Variants in MYO1E observed in about 807,000 individuals in gnomAD.
MYO1E encodes the protein unconventional myosin-Ie.
Under a neutral mutation model 151.1 loss-of-function variants are expected in MYO1E, and 68 were observed. The ratio of observed to expected loss-of-function variants is 0.45; its 90% CI spans 0.37 to 0.55. The LOEUF (loss-of-function observed/expected upper bound fraction) is 0.55. MYO1E is among the 20% of genes least tolerant of loss of function. The pLI, the probability that MYO1E is intolerant of heterozygous loss-of-function variation, is 0.00. For synonymous variants in MYO1E, 601 were observed against 501.7 expected (o/e 1.20, Z -2.64); for missense variants, 1,363 against 1,389.3 (o/e 0.98, Z 0.30).
intron 4 of MYO1E, among the ~76,000 whole-genome samples, chr15:59,250,556 G>A (rs569668440): frequency 2.0e-5 from 3 of 152,080 alleles, no homozygotes; most frequent in Non-Finnish European, 4.4e-5. Flanking sequence ...TTGCCAGAAC[G>A]AAACTGTAAT....
chr15:59,372,657 G>C lies in MYO1E; in HGVS notation c.-157C>G, dbSNP rs1053049988. On this transcript the variant is annotated 5_prime_UTR_variant, in exon 1 of 28. Coordinates refer to ENST00000288235, the MANE Select transcript of MYO1E (RefSeq NM_004998.4). ...CACAGGAGCCAATGGGAACCCAGAG[G>C]GGACTCCATCCAGGCGGGATTGGCG... 1.1e-6 allele frequency: 1 copy of C among 917,624 alleles called. No homozygotes were observed. Among genetic ancestry groups the C allele is most frequent in the Admixed American group, 2.6e-5 (1 of 38,152 alleles). 56.8% of individuals were successfully genotyped at this position (917,624 alleles called of 1,614,324 possible).
At chr15:59,214,200 A>T (rs1204848863) in intron 12 of MYO1E, 28 bp downstream of exon 12, 2 of 1,542,728 alleles carry the variant, frequency 1.3e-6, no homozygotes, top group East Asian at 2.2e-5. Context: ...TATAAATAGA[A>T]TAGGATGAAG....
chr15:59,250,423 T>C (rs2080157284), intron 4 of MYO1E, among the ~76,000 whole-genome samples: 1 of 152,164 alleles, frequency 6.6e-6, no homozygotes, highest in South Asian at 2.1e-4. Context: ...TCACACCTCA[T>C]ACCGGTAGGA....
intron 1 of MYO1E, among the ~76,000 whole-genome samples, chr15:59,302,388 A>G (rs770335219): frequency 2.0e-5 from 3 of 152,330 alleles, no homozygotes; most frequent in Non-Finnish European, 4.4e-5. Context: ...GACGCGGGGC[A>G]GTGTGCTGGG....
chr15:59,311,738 A>G (rs1233991642), intron 1 of MYO1E, among the ~76,000 whole-genome samples: 3 of 152,236 alleles, frequency 2.0e-5, no homozygotes, highest in African/African-American at 7.2e-5. Context: ...TGCTGAAGGT[A>G]GAAAAAGGGG....
chr15:59,227,840 C>A (rs1196344052), intron 6 of MYO1E, among the ~76,000 whole-genome samples: 2 of 152,162 alleles, frequency 1.3e-5, no homozygotes, highest in African/African-American at 4.8e-5. Context: ...TGCTCTATTC[C>A]TTGCTCATTT....
chr15:59,237,920 T>G (rs1338787746), intron 4 of MYO1E, among the ~76,000 whole-genome samples: 1 of 152,196 alleles, frequency 6.6e-6, no homozygotes, highest in East Asian at 1.9e-4. Flanking sequence ...GAACTAATAA[T>G]ACGGTTTTAA....
intron 4 of MYO1E, among the ~76,000 whole-genome samples, chr15:59,236,918 C>T (rs1033279182): frequency 1.3e-5 from 2 of 152,108 alleles, no homozygotes; most frequent in African/African-American, 4.8e-5. Context: ...ACACCACTGA[C>T]CATTAAGCAT....
At chr15:59,269,483 G>A (rs771347083) in intron 2 of MYO1E, among the ~76,000 whole-genome samples, 6 of 152,108 alleles carry the variant, frequency 3.9e-5, no homozygotes, top group African/African-American at 1.4e-4. Flanking sequence ...TGTTAAGTCC[G>A]GATAAAGTAA....
chr15:59,356,879 G>A (rs1190636360), intron 1 of MYO1E, among the ~76,000 whole-genome samples: 4 of 116,698 alleles, frequency 3.4e-5, no homozygotes, highest in African/African-American at 6.7e-5. Context: ...CTCCTGTTAA[G>A]TTTTTTTTTT....
intron 1 of MYO1E, among the ~76,000 whole-genome samples, chr15:59,291,850 C>T (rs1370021070): frequency 6.6e-6 from 1 of 151,706 alleles, no homozygotes; most frequent in Non-Finnish European, 1.5e-5. Flanking sequence ...CCCTAGGGAT[C>T]TAAATAGACA....
chr15:59,214,934 A>G (rs2079903974), intron 10 of MYO1E, among the ~76,000 whole-genome samples: 1 of 152,250 alleles, frequency 6.6e-6, no homozygotes, highest in Non-Finnish European at 1.5e-5. Context: ...AAGCGAGTAC[A>G]GTAGAAACAA....
chr15:59,321,068 T>TA (rs1318288865), intron 1 of MYO1E, among the ~76,000 whole-genome samples: 7 of 152,090 alleles, frequency 4.6e-5, no homozygotes, highest in South Asian at 2.1e-4. Context: ...TACAAACTGT[T>TA]AAAAAAATGA....
intron 16 of MYO1E, among the ~76,000 whole-genome samples, chr15:59,198,863 A>C (rs2079784276): frequency 6.6e-6 from 1 of 151,360 alleles, no homozygotes; most frequent in Admixed American, 6.6e-5. Flanking sequence ...ACCCCCAACC[A>C]ATCCAATCAC....
intron 12 of MYO1E, 131 bp downstream of exon 12, chr15:59,214,097 C>A: frequency 1.4e-6 from 1 of 709,240 alleles, no homozygotes; most frequent in Non-Finnish European, 2.3e-6. Context: ...GGTTTTTCTG[C>A]CTGACTTTAT....
chr15:59,331,374 T>C (rs2080696922), intron 1 of MYO1E, among the ~76,000 whole-genome samples: 1 of 152,064 alleles, frequency 6.6e-6, no homozygotes. Flanking sequence ...TGGGGAAACA[T>C]CTCTGAACTA....
chr15:59,215,420 G>C (rs1391598653), intron 10 of MYO1E, among the ~76,000 whole-genome samples: 1 of 152,174 alleles, frequency 6.6e-6, no homozygotes, highest in Non-Finnish European at 1.5e-5. Flanking sequence ...TTCTATGTAA[G>C]AAGCAGGGTC....
chr15:59,210,740 A>G, intron 12 of MYO1E, 140 bp from the exon 13 acceptor site: 2 of 657,410 alleles, frequency 3.0e-6, no homozygotes, highest in South Asian at 3.5e-5. Flanking sequence ...TTTAATTTTT[A>G]TTTTCTAAGA....
chr15:59,313,175 G>A (rs2080563368), intron 1 of MYO1E, among the ~76,000 whole-genome samples: 2 of 152,196 alleles, frequency 1.3e-5, no homozygotes, highest in African/African-American at 4.8e-5. Flanking sequence ...TCCTACAGAA[G>A]AAACATTGAA....
Sources: gnomAD v4.1 joint callset for allele counts (sites outside exome capture counted in the v4.1 genomes callset) on GRCh38, gnomAD v4.1.1 for gene constraint, MANE v1.5 for transcripts, NCBI Gene and HGNC (gene_info 2026-07-23, HGNC 2026-07-21) for gene names.